The following CFAP20DC variants were observed in gnomAD, a reference collection of about 807,000 sequenced individuals.
The protein encoded by CFAP20DC is protein CFAP20DC.
Under a neutral mutation model 101.7 loss-of-function variants are expected in CFAP20DC, and 84 were observed. That is an observed-to-expected ratio of 0.83 (90% CI 0.69 to 0.99). CFAP20DC has a LOEUF of 0.99. CFAP20DC is among the 50% of genes least tolerant of loss of function. The pLI, the probability that CFAP20DC is intolerant of heterozygous loss-of-function variation, is 0.00. For synonymous variants in CFAP20DC, 359 were observed against 351.2 expected (o/e 1.02, Z -0.25); for missense variants, 1,007 against 970.3 (o/e 1.04, Z -0.50).
At position 58,729,445 on chromosome 3, in the gene CFAP20DC, A is replaced by G. The variant is rs2067603368; in HGVS notation, c.198-11817T>C. Among the ~76,000 whole-genome samples the G allele has an allele frequency of 6.6e-6, 1 of 152,126 alleles. No homozygotes were observed. The highest frequency in any genetic ancestry group is 1.5e-5 in the Non-Finnish European group (1 of 68,024). ...GATTTTTATATAATGACTTTTATCCAACAACATTAACGAATTCTTATAACT... is the reference window on the plus strand; with the variant it reads ...GATTTTTATATAATGACTTTTATCCGACAACATTAACGAATTCTTATAACT... On this transcript the variant is annotated intron_variant, in intron 3 of 3. Transcript: ENST00000486145. The surrounding 1 kb of genome is among the most constrained non-coding windows in gnomAD (Gnocchi z 4.4).
intron 5 of CFAP20DC, among the ~76,000 whole-genome samples, chr3:58,919,358 T>C (rs1321074580): frequency 6.6e-6 from 1 of 152,204 alleles, no homozygotes; most frequent in Admixed American, 6.5e-5. Flanking sequence ...TTTTGGCTAT[T>C]ATGAATAAAG....
intron 14 of CFAP20DC, among the ~76,000 whole-genome samples, chr3:58,816,896 C>G (rs1003422243): frequency 3.4e-4 from 52 of 152,204 alleles, no homozygotes; most frequent in Non-Finnish European, 5.9e-4. Flanking sequence ...CCCTGTCTGA[C>G]AGCTTGGAAG....
chr3:58,909,549 T>G (rs911377139), intron 6 of CFAP20DC, among the ~76,000 whole-genome samples: 1 of 152,082 alleles, frequency 6.6e-6, no homozygotes, highest in African/African-American at 2.4e-5. Flanking sequence ...ATCAGATACA[T>G]TTTTTTCCTG....
At chr3:58,769,410 T>C (rs2070628954) in intron 15 of CFAP20DC, among the ~76,000 whole-genome samples, 1 of 152,166 alleles carries the variant, frequency 6.6e-6, no homozygotes, top group African/African-American at 2.4e-5. Flanking sequence ...ACCTGCCCAT[T>C]TGTGTGACTG....
chr3:58,756,200 T>A (rs2068941658), intron 15 of CFAP20DC, among the ~76,000 whole-genome samples: 1 of 152,150 alleles, frequency 6.6e-6, no homozygotes, highest in Non-Finnish European at 1.5e-5. Context: ...ATTCTCATCT[T>A]TCTTCTTTCC....
At chr3:58,764,799 C>T (rs937982404) in intron 15 of CFAP20DC, among the ~76,000 whole-genome samples, 7 of 152,248 alleles carry the variant, frequency 4.6e-5, no homozygotes, top group East Asian at 3.9e-4. Context: ...GCCTCCTCTT[C>T]CTCCTTCCTC....
rs866067373 is a variant in CFAP20DC, at chr3:58,841,622, C to T, written c.1971+7410G>A. Among the ~76,000 whole-genome samples, 9 of 152,112 alleles carry T rather than the reference C, an allele frequency of 5.9e-5. No individual in the cohort carries two copies. In the South Asian group the frequency reaches 1.0e-3, roughly 18 times the overall value. On this transcript the variant is annotated intron_variant, in intron 13 of 16. Coordinates refer to ENST00000482387, the MANE Select transcript of CFAP20DC (RefSeq NM_001394063.1). ...AAAATGTGCTCACACTATTCTATGG[C>T]CTAAAATATATTCAAAAGTGTCTTT...
At chr3:58,903,136 C>A (rs2083292360) in intron 6 of CFAP20DC, among the ~76,000 whole-genome samples, 1 of 152,118 alleles carries the variant, frequency 6.6e-6, no homozygotes, top group South Asian at 2.1e-4. Flanking sequence ...TTCTTTGATA[C>A]ACAAAAGTTT....
intron 4 of CFAP20DC, among the ~76,000 whole-genome samples, chr3:58,939,272 C>A (rs1160756605): frequency 6.6e-6 from 1 of 151,922 alleles, no homozygotes; most frequent in African/African-American, 2.4e-5. Context: ...AAAATCATGT[C>A]ATCAGAGACG....
At chr3:58,809,470 TG>T (rs2074415424) in intron 14 of CFAP20DC, among the ~76,000 whole-genome samples, 1 of 151,884 alleles carries the variant, frequency 6.6e-6, no homozygotes, top group Admixed American at 6.6e-5. Context: ...CATAACGAAA[TG>T]AAGGCAGAAA....
rs2093663449 is a variant in CFAP20DC at position 59,015,177 on chromosome 3, G to C, written c.278+24380C>G. On this transcript the variant is annotated intron_variant, in intron 4 of 16. Transcript: ENST00000482387. This position sits in a 1 kb window ranked among gnomAD's most constrained non-coding sequence, Gnocchi z 5.4. The stretch of plus-strand genomic sequence containing the variant: ...CCCTGAATAATCCTGCAGGTGCCTT[G>C]GGTGTCTAAAGATGTCTGTAGTTAG... 6.6e-6 allele frequency among the ~76,000 whole-genome samples: 1 copy of C among 152,008 alleles called. No individual in the cohort carries two copies. The highest frequency in any genetic ancestry group is 2.1e-4 in the South Asian group (1 of 4,816).
At chr3:58,735,724 TGCA>T (rs914306510) in intron 3 of CFAP20DC, among the ~76,000 whole-genome samples, 2 of 152,230 alleles carry the variant, frequency 1.3e-5, no homozygotes, top group Admixed American at 1.3e-4. Context: ...TAATGCAATG[TGCA>T]GTCAATGCTG....
At chr3:58,923,957 G>T (rs1204316519) in intron 5 of CFAP20DC, among the ~76,000 whole-genome samples, 3 of 151,978 alleles carry the variant, frequency 2.0e-5, no homozygotes, top group Non-Finnish European at 2.9e-5. Flanking sequence ...GCTTTAGTTT[G>T]CATAGTTTCT....
chr3:58,920,903 C>A (rs2085292341), intron 5 of CFAP20DC, among the ~76,000 whole-genome samples: 1 of 152,156 alleles, frequency 6.6e-6, no homozygotes, highest in Non-Finnish European at 1.5e-5. Flanking sequence ...ATCTGTAAAG[C>A]AAACTGGACC....
intron 4 of CFAP20DC, among the ~76,000 whole-genome samples, chr3:58,981,598 C>A (rs189886189): frequency 2.0e-5 from 3 of 152,140 alleles, no homozygotes; most frequent in Non-Finnish European, 2.9e-5. Context: ...GAAAAACAAG[C>A]AATGGGGAAA....
At chr3:58,805,147 T>C (rs538533468) in intron 15 of CFAP20DC, among the ~76,000 whole-genome samples, 93 of 152,354 alleles carry the variant, frequency 6.1e-4, no homozygotes, top group Middle Eastern at 3.4e-3. Flanking sequence ...AATCACATTC[T>C]CTTTCTTGAA....
intron 4 of CFAP20DC, among the ~76,000 whole-genome samples, chr3:58,981,677 A>T (rs963298767): frequency 2.6e-5 from 4 of 152,258 alleles, no homozygotes; most frequent in African/African-American, 7.2e-5. Context: ...AAACTGGATC[A>T]CTTCCTTACA....
chr3:58,910,877 A>C (rs1193692555), intron 6 of CFAP20DC, among the ~76,000 whole-genome samples: 1 of 152,062 alleles, frequency 6.6e-6, no homozygotes, highest in Non-Finnish European at 1.5e-5. Flanking sequence ...TCCATCATTA[A>C]CTCAAAACTT....
At chr3:59,044,140 CAG>C (rs1699653377) in intron 3 of CFAP20DC, among the ~76,000 whole-genome samples, 1 of 152,084 alleles carries the variant, frequency 6.6e-6, no homozygotes, top group African/African-American at 2.4e-5. Context: ...CTAATACAGA[CAG>C]AAACACAAAT....
Sources: gnomAD v4.1 joint callset for allele counts (sites outside exome capture counted in the v4.1 genomes callset) on GRCh38, gnomAD v4.1.1 for gene constraint, Gnocchi (gnomAD v3.1) non-coding constraint, MANE v1.5 for transcripts, NCBI Gene and HGNC (gene_info 2026-07-23, HGNC 2026-07-21) for gene names.